PACRG: variants seen among roughly 807,000 people sequenced by gnomAD.
PACRG encodes the protein parkin coregulated.
A neutral mutation model predicts 29.7 loss-of-function variants in PACRG; 29 were observed. The observed-to-expected ratio is 0.98, with a 90% confidence interval of 0.73 to 1.33. The LOEUF (loss-of-function observed/expected upper bound fraction) is 1.33, where lower values mean the gene tolerates loss of function less well. Ranked by LOEUF, PACRG falls within the 40% of genes most tolerant of loss-of-function variation. The pLI is 0.00. For missense variants in PACRG, 279 were observed against 316.2 expected (o/e 0.88, Z 0.89); for synonymous variants, 116 against 118.7 (o/e 0.98, Z 0.15).
At chr6:162,781,503 C>A (rs1433241198) in intron 1 of PACRG, among the ~76,000 whole-genome samples, 1 of 151,612 alleles carries the variant, frequency 6.6e-6, no homozygotes, top group African/African-American at 2.4e-5. Flanking sequence ...ATTTTAATAT[C>A]CAATATTTTC....
At chr6:162,975,109 C>T (rs1052398459) in intron 2 of PACRG, among the ~76,000 whole-genome samples, 1 of 152,138 alleles carries the variant, frequency 6.6e-6, no homozygotes, top group African/African-American at 2.4e-5. Flanking sequence ...GTTGTGTTCT[C>T]TCTGCCTTCT....
At chr6:163,145,559 G>A (rs988997459) in intron 4 of PACRG, among the ~76,000 whole-genome samples, 1 of 152,182 alleles carries the variant, frequency 6.6e-6, no homozygotes, top group African/African-American at 2.4e-5. Flanking sequence ...CCCTCCCAGG[G>A]GATGTTTGGT....
intron 4 of PACRG, among the ~76,000 whole-genome samples, chr6:163,257,306 G>A (rs1783151950): frequency 6.6e-6 from 1 of 152,050 alleles, no homozygotes; most frequent in African/African-American, 2.4e-5. Context: ...CATTCTGGGG[G>A]CTGTATGGAT....
chr6:162,863,134 AG>A (rs1397592977), intron 2 of PACRG, among the ~76,000 whole-genome samples: 1 of 152,196 alleles, frequency 6.6e-6, no homozygotes, highest in Non-Finnish European at 1.5e-5. Context: ...ACAGGCCCTG[AG>A]GGCAGCCCCT....
intron 4 of PACRG, among the ~76,000 whole-genome samples, chr6:163,244,368 G>A (rs1562335960): frequency 6.6e-6 from 1 of 151,940 alleles, no homozygotes; most frequent in Non-Finnish European, 1.5e-5. Flanking sequence ...CTGTAAGGTC[G>A]GGCCAAGGAG....
intron 4 of PACRG, among the ~76,000 whole-genome samples, chr6:163,110,336 T>G (rs1052293000): frequency 3.3e-5 from 5 of 152,262 alleles, no homozygotes; most frequent in African/African-American, 1.2e-4. Flanking sequence ...ATTTTATATG[T>G]GCCAACCACT....
intron 2 of PACRG, among the ~76,000 whole-genome samples, chr6:162,880,516 T>G (rs1337977718): frequency 1.3e-5 from 2 of 152,200 alleles, no homozygotes; most frequent in Non-Finnish European, 2.9e-5. Flanking sequence ...GTTTTGAATA[T>G]CTGAGGTAGA....
intron 2 of PACRG, among the ~76,000 whole-genome samples, chr6:163,000,249 C>T (rs1804457460): frequency 1.3e-5 from 2 of 152,190 alleles, no homozygotes; most frequent in South Asian, 4.1e-4. Context: ...AGTGCCTAGT[C>T]CCTGAGATAG....
At chr6:162,787,445 A>T (rs58129279) in intron 1 of PACRG, among the ~76,000 whole-genome samples, 7,843 of 150,888 alleles carry the variant, frequency 0.052, 703 homozygotes, top group African/African-American at 0.18. Flanking sequence ...ACACATATAC[A>T]CACATGATAA....
intron 4 of PACRG, among the ~76,000 whole-genome samples, chr6:163,117,292 G>A (rs1234903607): frequency 6.6e-6 from 1 of 152,170 alleles, no homozygotes; most frequent in Non-Finnish European, 1.5e-5. Context: ...TGGCCCCTGT[G>A]CTGTGGCTTC....
At position 163,283,566 on chromosome 6, in the gene PACRG, C is replaced by T. The variant is rs1040290166; in HGVS notation, c.614-31261C>T. On this transcript the variant is annotated intron_variant, in intron 4 of 4. Coordinates refer to ENST00000366888, the MANE Select transcript of PACRG (RefSeq NM_001080379.2). ...CTGTAATCCCAGCACTTTGGGAGGC[C>T]GAGGCGGGTGGATCATGAGGTCAGG... Among the ~76,000 whole-genome samples the T allele has an allele frequency of 4.4e-4, 66 of 150,930 alleles. 1 individual carries two copies. Among genetic ancestry groups the T allele is most frequent in the African/African-American group, 1.3e-3 (52 of 41,056 alleles).
At chr6:162,786,346 C>T (rs966259452) in intron 1 of PACRG, among the ~76,000 whole-genome samples, 2 of 152,170 alleles carry the variant, frequency 1.3e-5, no homozygotes. Context: ...TTACTCTTAA[C>T]GAAACCCGTT....
chr6:162,961,238 G>T (rs1196910419), intron 2 of PACRG, among the ~76,000 whole-genome samples: 1 of 152,184 alleles, frequency 6.6e-6, no homozygotes, highest in Non-Finnish European at 1.5e-5. Flanking sequence ...AGTTTCAGGG[G>T]TTTCCATGAA....
chr6:163,009,205 C>T (rs2025547), intron 2 of PACRG, among the ~76,000 whole-genome samples: 52,773 of 152,034 alleles, frequency 0.35, 10,077 homozygotes, highest in East Asian at 0.68. Flanking sequence ...TAATTCTTTA[C>T]ACCTTATTGA....
intron 4 of PACRG, among the ~76,000 whole-genome samples, chr6:163,207,008 C>T (rs372955526): frequency 7.9e-5 from 12 of 152,194 alleles, no homozygotes; most frequent in African/African-American, 2.4e-4. Flanking sequence ...CAGTTTGGTT[C>T]GTGTGGGACA....
chr6:162,748,026 A>C (rs531665564), intron 1 of PACRG, among the ~76,000 whole-genome samples: 14 of 152,182 alleles, frequency 9.2e-5, no homozygotes, highest in African/African-American at 3.1e-4. Flanking sequence ...AAGTTTTACT[A>C]TTCTAAAATA....
intron 2 of PACRG, among the ~76,000 whole-genome samples, chr6:162,824,316 C>A (rs572074968): frequency 2.0e-5 from 3 of 152,052 alleles, no homozygotes; most frequent in Non-Finnish European, 2.9e-5. Flanking sequence ...TGTTTCTGAC[C>A]GGGCCAGGAA....
chr6:163,192,588 AT>A (rs1181061513), intron 4 of PACRG, among the ~76,000 whole-genome samples: 1 of 152,226 alleles, frequency 6.6e-6, no homozygotes, highest in Non-Finnish European at 1.5e-5. Flanking sequence ...ATTTTTAAAC[AT>A]TTAAACTTTG....
intron 4 of PACRG, among the ~76,000 whole-genome samples, chr6:163,259,711 C>G (rs1783250297): frequency 6.6e-6 from 1 of 152,196 alleles, no homozygotes; most frequent in South Asian, 2.1e-4. Flanking sequence ...TAGCCTTCAT[C>G]TCTCTACAGT....
Sources: gnomAD v4.1 joint callset for allele counts (sites outside exome capture counted in the v4.1 genomes callset) on GRCh38, gnomAD v4.1.1 for gene constraint, MANE v1.5 for transcripts, NCBI Gene and HGNC (gene_info 2026-07-23, HGNC 2026-07-21) for gene names.